AOAH: variants seen among roughly 807,000 people sequenced by gnomAD.
The protein encoded by AOAH is acyloxyacyl hydrolase.
A neutral mutation model predicts 92.2 loss-of-function variants in AOAH; 64 were observed. That is an observed-to-expected ratio of 0.69 (90% CI 0.57 to 0.86). AOAH has a LOEUF of 0.86. Ranked by LOEUF, AOAH falls within the 40% of genes least tolerant of loss-of-function variation. The pLI, the probability that AOAH is intolerant of heterozygous loss-of-function variation, is 0.00. For synonymous variants in AOAH, 263 were observed against 254.5 expected, an observed-to-expected ratio of 1.03 and a Z score of -0.32; for missense variants, 656 against 694.6, an observed-to-expected ratio of 0.94 and a Z score of 0.62.
chr7:36,546,343 G>T (rs1276062650), intron 15 of AOAH, among the ~76,000 whole-genome samples: 1 of 152,166 alleles, frequency 6.6e-6, no homozygotes, highest in African/African-American at 2.4e-5. Context: ...TGCTCATTTT[G>T]GGAAATCTAC....
intron 11 of AOAH, among the ~76,000 whole-genome samples, chr7:36,608,948 G>A (rs1412817051): frequency 6.6e-6 from 1 of 151,326 alleles, no homozygotes; most frequent in African/African-American, 2.4e-5. Context: ...AAAAGCACCA[G>A]AAGTTTCCTA....
In AOAH at chr7:36,516,144, ACAT is replaced by A. The variant is rs1178445741; in HGVS notation, c.1600-2767_1600-2765del. Among the ~76,000 whole-genome samples the A allele has an allele frequency of 2.0e-5, 3 of 148,908 alleles. No homozygotes were observed. The South Asian group carries it at 6.5e-4, about 32-fold the overall frequency. ...CACACCACACACAGATACACCACAC[ACAT>A]CTCACACACACACACCACACACCCC... On this transcript the variant is annotated intron_variant, in intron 20 of 20. Transcript: ENST00000617537. This position sits in a 1 kb window ranked among gnomAD's most constrained non-coding sequence, Gnocchi z 5.0.
intron 2 of AOAH, among the ~76,000 whole-genome samples, chr7:36,678,587 G>C (rs1796420260): frequency 7.0e-6 from 1 of 142,328 alleles, no homozygotes; most frequent in African/African-American, 2.7e-5. Flanking sequence ...GTGTGTGTGT[G>C]TGTGTGTGTG....
intron 20 of AOAH, among the ~76,000 whole-genome samples, chr7:36,517,518 A>C (rs945903295): frequency 3.3e-5 from 5 of 151,838 alleles, no homozygotes; most frequent in Admixed American, 6.6e-5. Context: ...AAAAGAGAAA[A>C]ACACAATTAA....
chr7:36,687,535 A>G (rs139622468), intron 1 of AOAH, among the ~76,000 whole-genome samples: 1 of 139,314 alleles, frequency 7.2e-6, no homozygotes, highest in Admixed American at 7.1e-5. Context: ...GGAAAACCAA[A>G]CCTTTTTTTT....
chr7:36,530,206 G>A (rs1268905514), intron 19 of AOAH, among the ~76,000 whole-genome samples: 1 of 152,188 alleles, frequency 6.6e-6, no homozygotes, highest in African/African-American at 2.4e-5. Flanking sequence ...TGATGGTGAA[G>A]TACAGAGGTA....
At chr7:36,519,399 A>G (rs1373184711) in intron 20 of AOAH, among the ~76,000 whole-genome samples, 1 of 152,182 alleles carries the variant, frequency 6.6e-6, no homozygotes, top group East Asian at 1.9e-4. Context: ...CTACTAGCTC[A>G]TGGTCTTTGT....
At position 36,616,547 on chromosome 7, in the gene AOAH, G is replaced by A. The variant is rs1791897950; in HGVS notation, c.752-73C>T. On this transcript the variant is annotated intron_variant, in intron 10 of 20. Coordinates refer to ENST00000617537, the MANE Select transcript of AOAH (RefSeq NM_001637.4). Reference sequence around the variant, plus strand: ...GAACCTCCAGACTGGGTAGATATAAGAGCGGATACCCTAGTGTGTATTCCA... The same window carrying A: ...GAACCTCCAGACTGGGTAGATATAAAAGCGGATACCCTAGTGTGTATTCCA... 3 of 1,202,056 alleles carry A rather than the reference G, an allele frequency of 2.5e-6. No homozygotes were observed. The Admixed American group carries it at 5.5e-5, about 22-fold the overall frequency. The allele number at this position is 1,202,056 out of a possible 1,614,324, so 74.5% of individuals were successfully genotyped here.
chr7:36,543,947 C>CTTTCTTTCTTTCTTTTTTTT (rs55745823), intron 15 of AOAH, among the ~76,000 whole-genome samples: 1 of 91,034 alleles, frequency 1.1e-5, no homozygotes, highest in East Asian at 3.7e-4. Context: ...TTCTTTCTTT[C>CTTTCTTTCTTTCTTTTTTTT]TTTTTTTTTT....
At chr7:36,699,967 T>A (rs900262082) in intron 1 of AOAH, among the ~76,000 whole-genome samples, 2 of 152,086 alleles carry the variant, frequency 1.3e-5, no homozygotes, top group Non-Finnish European at 2.9e-5. Context: ...TTGATTTGAT[T>A]TTTGTGTATG....
intron 20 of AOAH, among the ~76,000 whole-genome samples, chr7:36,517,647 C>T (rs1421595631): frequency 8.1e-6 from 1 of 122,880 alleles, no homozygotes; most frequent in African/African-American, 3.1e-5. Flanking sequence ...ATTACCTAGG[C>T]TGGAGTGTAG....
At chr7:36,715,086 C>T (rs1345481930) in intron 1 of AOAH, among the ~76,000 whole-genome samples, 2 of 152,170 alleles carry the variant, frequency 1.3e-5, no homozygotes, top group Non-Finnish European at 2.9e-5. Flanking sequence ...ACCCCATCAT[C>T]TCTGCCCAAA....
chr7:36,529,611 A>T (rs1009733764), intron 19 of AOAH, among the ~76,000 whole-genome samples: 3 of 152,212 alleles, frequency 2.0e-5, no homozygotes, highest in African/African-American at 7.2e-5. Context: ...CAGAGATGAT[A>T]AACTCTGGAT....
At position 36,690,029 on chromosome 7, in the gene AOAH, C is replaced by T. The variant is rs138722203; in HGVS notation, c.128-3235G>A. ...TCCATCATTAGCATTTGTTTTAATC[C>T]GTGGCTTAGAAGGATAAATGCAAAG... On this transcript the variant is annotated intron_variant, in intron 1 of 20. Transcript: ENST00000617537. 45 of 323,850 alleles carry T rather than the reference C, an allele frequency of 1.4e-4. 2 individuals are homozygous for T. Among genetic ancestry groups the T allele is most frequent in the South Asian group, 6.1e-4 (24 of 39,584 alleles). The allele number at this position is 323,850 out of a possible 1,614,324, so 20.1% of individuals were successfully genotyped here. A position where few individuals can be genotyped will look rare whatever the true frequency, so the allele number is the denominator to read the frequency against.
chr7:36,597,557 C>T (rs1461792527), intron 11 of AOAH, among the ~76,000 whole-genome samples: 2 of 152,212 alleles, frequency 1.3e-5, no homozygotes, highest in Admixed American at 1.3e-4. Flanking sequence ...AATTTATGAG[C>T]TGTGTTGAGT....
chr7:36,616,624 G>GT, intron 10 of AOAH, 150 bp from the exon 11 acceptor site: 1 of 654,350 alleles, frequency 1.5e-6, no homozygotes, highest in Non-Finnish European at 2.7e-6. Flanking sequence ...ATGTTTGAGA[G>GT]TGAGGGGCAT....
intron 1 of AOAH, among the ~76,000 whole-genome samples, chr7:36,718,094 A>G (rs755281493): frequency 6.6e-6 from 1 of 152,156 alleles, no homozygotes; most frequent in Non-Finnish European, 1.5e-5. Context: ...TATATGGAGA[A>G]TTTTTGCAAT....
chr7:36,544,833 C>T lies in AOAH; in HGVS notation c.1133+3779G>A, dbSNP rs1298166581. Among the ~76,000 whole-genome samples, 6 of 152,134 alleles carry T rather than the reference C, an allele frequency of 3.9e-5. No individual in the cohort carries two copies. In the South Asian group the frequency reaches 1.2e-3, roughly 32 times the overall value. The stretch of plus-strand genomic sequence containing the variant: ...CCTGGCTGGTGCTAGAGAGAGGTGT[C>T]CCTTCCAAGGAAGAAACTGATCAGC... On this transcript the variant is annotated intron_variant, in intron 15 of 20. Transcript: ENST00000617537.
At position 36,541,360 on chromosome 7, in the gene AOAH, A is replaced by G. The variant is rs571921794; in HGVS notation, c.1134-869T>C. ...AATAAAAAAAGAAAGTACTGAAAGT[A>G]GTTATGAGAGACACAGGCCTAAAAT... On this transcript the variant is annotated intron_variant, in intron 15 of 20. Transcript: ENST00000617537. 2.6e-5 allele frequency among the ~76,000 whole-genome samples: 4 copies of G among 152,370 alleles called. No homozygotes were observed. The South Asian group carries it at 8.3e-4, about 32-fold the overall frequency.
Sources: gnomAD v4.1 joint callset for allele counts (sites outside exome capture counted in the v4.1 genomes callset) on GRCh38, gnomAD v4.1.1 for gene constraint, Gnocchi (gnomAD v3.1) non-coding constraint, MANE v1.5 for transcripts, NCBI Gene and HGNC (gene_info 2026-07-23, HGNC 2026-07-21) for gene names.